The following ANKRD24 variants were observed in gnomAD, a reference collection of about 807,000 sequenced individuals.
ANKRD24 encodes ankyrin repeat domain 24, also known as ankyrin repeat domain-containing protein 24.
ANKRD24 carries 109 observed loss-of-function variants against 127.8 expected under a neutral mutation model. The ratio of observed to expected loss-of-function variants is 0.85; its 90% CI spans 0.73 to 1.00. The LOEUF (loss-of-function observed/expected upper bound fraction) is 1.00, where lower values mean the gene tolerates loss of function less well. Ranked by LOEUF, ANKRD24 falls within the 50% of genes least tolerant of loss-of-function variation. The pLI, the probability that ANKRD24 is intolerant of heterozygous loss-of-function variation, is 0.00. For synonymous variants in ANKRD24, 743 were observed against 671.1 expected (o/e 1.11, Z -1.66); for missense variants, 1,648 against 1,570.2 (o/e 1.05, Z -0.84).
Position 4,216,808 on chromosome 19 carries a change from G to A in ANKRD24, c.1648G>A (p.Val550Met), listed in dbSNP as rs1443530664. ...GPTHMELNGS[V>M]APETKVNGAE... ...AACCCACATGGAGCTAAATGGCTCAGTGGCTCCAGAAACCAAAGTTAACGG... is the reference window on the plus strand; with the variant it reads ...AACCCACATGGAGCTAAATGGCTCAATGGCTCCAGAAACCAAAGTTAACGG... Residue 550 changes from valine to methionine, a missense_variant, in exon 18 of 22, where the codon GTG becomes ATG. By Grantham distance (21) the Val-to-Met change is conservative. Transcript: ENST00000318934. 1 of 1,604,588 alleles carries A rather than the reference G, an allele frequency of 6.2e-7. No homozygotes were observed. Among genetic ancestry groups the A allele is most frequent in the Admixed American group, 1.7e-5 (1 of 58,224 alleles).
chr19:4,199,381 T>C lies in ANKRD24; in HGVS notation c.37-302T>C. ...ATGAGCCACCATGCCCCGCTGATGA[T>C]TTTTATTTTTTGTAGAGACGGGGTC... On this transcript the variant is annotated intron_variant, in intron 2 of 21. Coordinates refer to ENST00000318934, the MANE Select transcript of ANKRD24 (RefSeq NM_001393985.1). This position sits in a 1 kb window ranked among gnomAD's most constrained non-coding sequence, Gnocchi z 5.2. 8.6e-6 allele frequency: 4 copies of C among 464,666 alleles called. No homozygotes were observed. The highest frequency in any genetic ancestry group is 2.1e-5 in the African/African-American group (1 of 47,072). 28.8% of individuals were successfully genotyped at this position (464,666 alleles called of 1,614,324 possible).
chr19:4,224,559 C>T lies in ANKRD24; in HGVS notation c.*54C>T. ...CCACACCCACGCAGGGACCTCACCC[C>T]CCTGCAGGCCCCTTGCAGACCGGCT... is the stretch of plus-strand genomic sequence containing the variant. On this transcript the variant is annotated 3_prime_UTR_variant, in exon 22 of 22. Coordinates refer to ENST00000318934, the MANE Select transcript of ANKRD24 (RefSeq NM_001393985.1). 6.7e-7 allele frequency: 1 copy of T among 1,500,406 alleles called. No homozygotes were observed. 92.9% of individuals were successfully genotyped at this position (1,500,406 alleles called of 1,614,324 possible).
chr19:4,199,938 C>T lies in ANKRD24; in HGVS notation c.187C>T (p.Arg63Trp), dbSNP rs745874881. 12 of 1,566,610 alleles carry T rather than the reference C, an allele frequency of 7.7e-6. No homozygotes were observed. The highest frequency in any genetic ancestry group is 7.2e-5 in the East Asian group (3 of 41,856). The change falls in exon 4 of 22, where the codon CGG becomes TGG. Residue 63 changes from arginine (R) to tryptophan (W), a missense_variant. Physicochemically the swap from Arg to Trp is moderately radical, Grantham distance 101 (BLOSUM62 -3). Transcript: ENST00000318934. The surrounding 1 kb of genome is among the most constrained non-coding windows in gnomAD (Gnocchi z 5.2). ...LQAVENNDAP[R>W]VAALIARKGL... is the part of the protein sequence containing the mutation. ...AGCCGTGGAAAACAACGATGCACCT[C>T]GGGTGGCCGCCCTCATCGCCCGCAA...
In ANKRD24 at chr19:4,195,429, A is replaced by G. The variant is rs1000061334; in HGVS notation, c.37-4254A>G. Among the ~76,000 whole-genome samples the G allele has an allele frequency of 6.6e-6, 1 of 152,064 alleles. No homozygotes were observed. The highest frequency in any genetic ancestry group is 1.5e-5 in the Non-Finnish European group (1 of 68,012). ...GGACAAGTGTAGGAGACAGTTGGAA[A>G]CTGAAGCCCTGAGCTGGGAGATCCG... On this transcript the variant is annotated intron_variant, in intron 2 of 21. Coordinates refer to ENST00000318934, the MANE Select transcript of ANKRD24 (RefSeq NM_001393985.1). The surrounding 1 kb of genome is among the most constrained non-coding windows in gnomAD (Gnocchi z 4.2).
chr19:4,188,493 C>T (rs1268031554), intron 2 of ANKRD24, among the ~76,000 whole-genome samples: 1 of 151,528 alleles, frequency 6.6e-6, no homozygotes, highest in Non-Finnish European at 1.5e-5. Context: ...AAACGATCCT[C>T]CTGCCTCAGC....
In ANKRD24 at chr19:4,217,819, G is replaced by A; in HGVS notation, c.2659G>A (p.Glu887Lys). Residue 887 changes from glutamate (E) to lysine (K), a missense_variant, in exon 18 of 22, where the codon GAG becomes AAG. Transcript: ENST00000318934. ...GGACGCCGCTGAGGCCCGAGTGGCT[G>A]AGCTGCCTGCGGCCTGCGAGGAGGC... The part of the protein sequence containing the change: ...ARDAAEARVA[E>K]LPAACEEARQ... 7.1e-7 allele frequency: 1 copy of A among 1,400,902 alleles called. No homozygotes were observed. The highest frequency in any genetic ancestry group is 9.2e-7 in the Non-Finnish European group (1 of 1,082,194). 86.8% of individuals were successfully genotyped at this position (1,400,902 alleles called of 1,614,324 possible).
rs974723585 is a variant in ANKRD24, at chr19:4,199,592, G to A, written c.37-91G>A. The A allele has an allele frequency of 1.9e-5, 27 of 1,449,172 alleles. No homozygotes were observed. Among genetic ancestry groups the A allele is most frequent in the Non-Finnish European group, 2.3e-5 (25 of 1,106,142 alleles). The allele number at this position is 1,449,172 out of a possible 1,614,324, so 89.8% of individuals were successfully genotyped here. On this transcript the variant is annotated intron_variant, in intron 2 of 21. Coordinates refer to ENST00000318934, the MANE Select transcript of ANKRD24 (RefSeq NM_001393985.1). This position sits in a 1 kb window ranked among gnomAD's most constrained non-coding sequence, Gnocchi z 5.2. ...GTGGTGGGCTTTTGTTGGACAACTG[G>A]GGTGATGGGCCTGGGGGCAGATGCT...
Position 4,207,897 on chromosome 19 carries a change from G to A in ANKRD24, c.761G>A (p.Gly254Asp), listed in dbSNP as rs1438743754. The change falls in exon 10 of 22, where the codon GGC becomes GAC. Residue 254 changes from glycine (G) to aspartate (D), a missense_variant. Gly to Asp is a moderately conservative substitution (Grantham distance 94). Transcript: ENST00000318934. ...CTGGGGCAGGACGCGGCTCACTATG[G>A]CGCCCTGGCGGGGGACAAACTCATC... ...DALGQDAAHY[G>D]ALAGDKLILH... 6.4e-7 allele frequency: 1 copy of A among 1,557,500 alleles called. No individual in the cohort carries two copies. The highest frequency in any genetic ancestry group is 2.3e-5 in the East Asian group (1 of 43,642).
At position 4,191,279 on chromosome 19, in the gene ANKRD24, G is replaced by A. The variant is rs549215179; in HGVS notation, c.36+4818G>A. 1.2e-4 allele frequency among the ~76,000 whole-genome samples: 18 copies of A among 148,554 alleles called. No individual in the cohort carries two copies. In the South Asian group the frequency reaches 3.5e-3, roughly 29 times the overall value. ...AGTTCAGCTTTTGTTCAGCAGCCCCGAGGGAAGAAAGCAAACACCCATGAC... is the reference window on the plus strand; with the variant it reads ...AGTTCAGCTTTTGTTCAGCAGCCCCAAGGGAAGAAAGCAAACACCCATGAC... On this transcript the variant is annotated intron_variant, in intron 2 of 21. Transcript: ENST00000318934.
intron 18 of ANKRD24, among the ~76,000 whole-genome samples, 185 bp from the exon 19 acceptor site, chr19:4,219,406 A>G (rs1237459616): frequency 1.3e-5 from 2 of 152,132 alleles, no homozygotes; most frequent in Non-Finnish European, 2.9e-5. Context: ...GATTGAGGCT[A>G]CAGTGAGCCA....
At chr19:4,206,664 G>A (rs1768771253) in intron 7 of ANKRD24, among the ~76,000 whole-genome samples, 1 of 152,006 alleles carries the variant, frequency 6.6e-6, no homozygotes, top group Admixed American at 6.6e-5. Context: ...CTTGGGACTG[G>A]CAGTCGGCAG....
rs942620606 is a variant in ANKRD24, at chr19:4,210,301, C to T, written c.988C>T (p.Arg330Trp). 1.1e-5 allele frequency: 17 copies of T among 1,587,638 alleles called. No individual in the cohort carries two copies. The highest frequency in any genetic ancestry group is 1.3e-5 in the African/African-American group (1 of 74,444). Residue 330 changes from arginine to tryptophan, a missense_variant, in exon 13 of 22, where the codon CGG (arginine) becomes TGG (tryptophan). Coordinates refer to ENST00000318934, the MANE Select transcript of ANKRD24 (RefSeq NM_001393985.1). ...RDAYEEIVRL[R>W]QERGRLLQKI... ...TGCCTATGAGGAGATCGTGAGGCTG[C>T]GGCAGGAGAGGGGCCGCCTCCTGCA...
At chr19:4,212,008 G>A (rs1969768220) in intron 13 of ANKRD24, among the ~76,000 whole-genome samples, 1 of 152,074 alleles carries the variant, frequency 6.6e-6, no homozygotes, top group Non-Finnish European at 1.5e-5. Flanking sequence ...AGACCATCCT[G>A]GCTAACACCG....
chr19:4,222,073 C>T (rs555603947), intron 19 of ANKRD24, among the ~76,000 whole-genome samples: 1 of 152,192 alleles, frequency 6.6e-6, no homozygotes, highest in Non-Finnish European at 1.5e-5. Flanking sequence ...AATCTCTGTG[C>T]AGGATCACAG....
chr19:4,224,283 C>T (rs1351025486), intron 21 of ANKRD24, 91 bp downstream of exon 21: 2 of 1,439,492 alleles, frequency 1.4e-6, no homozygotes, highest in Admixed American at 3.9e-5. Flanking sequence ...CAGTGGGAGG[C>T]TGGTCTGGGG....
chr19:4,192,154 C>T (rs951741238), intron 2 of ANKRD24, among the ~76,000 whole-genome samples: 2 of 151,890 alleles, frequency 1.3e-5, no homozygotes, highest in African/African-American at 4.8e-5. Flanking sequence ...CTTGGGCTGT[C>T]CGTGGGCCTC....
intron 11 of ANKRD24, 182 bp downstream of exon 11, chr19:4,208,983 C>G: frequency 3.6e-5 from 17 of 472,744 alleles, no homozygotes; most frequent in Non-Finnish European, 4.5e-5. Context: ...ACTCCCAGAA[C>G]TGGGTGAGAA....
At chr19:4,200,281 G>A in intron 5 of ANKRD24, 110 bp downstream of exon 5, 2 of 1,222,212 alleles carry the variant, frequency 1.6e-6, no homozygotes, top group South Asian at 2.9e-5. Flanking sequence ...CTGAAAAAAG[G>A]GGAGGCTCCC....
rs563014699 is a variant in ANKRD24, at chr19:4,197,538, GGAAT to G, written c.37-2140_37-2137del. Among the ~76,000 whole-genome samples the G allele has an allele frequency of 7.9e-5, 12 of 151,518 alleles. No individual in the cohort carries two copies. In the South Asian group the frequency reaches 2.1e-3, roughly 26 times the overall value. Reference sequence around the variant, plus strand: ...AGTGAATGCAGGAAGGAATGGTGTGGGAATGAATAAGTGAATGGGTCATATAAGA... The same window carrying G: ...AGTGAATGCAGGAAGGAATGGTGTGGGAATAAGTGAATGGGTCATATAAGA... On this transcript the variant is annotated intron_variant, in intron 2 of 21. Coordinates refer to ENST00000318934, the MANE Select transcript of ANKRD24 (RefSeq NM_001393985.1).
Sources: gnomAD v4.1 joint callset for allele counts (sites outside exome capture counted in the v4.1 genomes callset) on GRCh38, gnomAD v4.1.1 for gene constraint, Gnocchi (gnomAD v3.1) non-coding constraint, MANE v1.5 for transcripts, NCBI Gene and HGNC (gene_info 2026-07-23, HGNC 2026-07-21) for gene names.